The following YTHDC1 variants were observed in gnomAD, a reference collection of about 807,000 sequenced individuals.
The protein encoded by YTHDC1 is YTH N6-methyladenosine RNA binding protein C1.
In YTHDC1, 12 loss-of-function variants were observed where a neutral mutation model predicts 107.0. The ratio of observed to expected loss-of-function variants is 0.11; its 90% CI spans 0.07 to 0.18. The LOEUF is 0.18. Among genes scored for constraint, YTHDC1 ranks in the 10% least tolerant of loss-of-function variants. YTHDC1 has a pLI of 1.00. For missense variants in YTHDC1, 635 were observed against 898.8 expected, an observed-to-expected ratio of 0.71 and a Z score of 3.75; for synonymous variants, 280 against 289.5, an observed-to-expected ratio of 0.97 and a Z score of 0.33.
chr4:68,324,036 G>A (rs1291044803), intron 10 of YTHDC1, 103 bp downstream of exon 10: 7 of 962,634 alleles, frequency 7.3e-6, no homozygotes, highest in South Asian at 1.8e-5. Context: ...AAATTCTCAC[G>A]TGGTCTCTTT....
At chr4:68,346,100 T>TATATATATATATATATACAC (rs144743953) in intron 1 of YTHDC1, among the ~76,000 whole-genome samples, 5 of 134,154 alleles carry the variant, frequency 3.7e-5, no homozygotes, top group Admixed American at 1.5e-4. Flanking sequence ...TATATATATA[T>TATATATATATATATATACAC]ACACACACAC....
chr4:68,337,323 T>C lies in YTHDC1; in HGVS notation c.587A>G (p.Asn196Ser). The C allele has an allele frequency of 6.2e-7, 1 of 1,614,110 alleles. No individual in the cohort carries two copies. The change falls in exon 4 of 17, where the codon AAC becomes AGC. Residue 196 changes from asparagine (N) to serine (S), a missense_variant. Around this residue, in one of 5 missense-constraint regions of YTHDC1, gnomAD observed 294 missense variants for 312.3 expected, o/e 0.94. Transcript: ENST00000344157. Reference protein sequence around the residue: ...GSSGSSDEQGNNTENEEEGVE... With the variant: ...GSSGSSDEQGSNTENEEEGVE... ...TCCTTCCTCCTCATTCTCAGTGTTG[T>C]TCCCTTGCTCATCAGAAGAACCACT...
In YTHDC1 at chr4:68,320,138, A is replaced by G. The variant is rs1358858120; in HGVS notation, c.1669T>C (p.Phe557Leu). The change falls in exon 12 of 17, where the codon TTT becomes CTT. Residue 557 changes from phenylalanine (F) to leucine (L), a missense_variant. Transcript: ENST00000344157. ...KKPRIDYPPE[F>L]HQRPGYLKDP... ...AAATATTAACCTGGTCTCTGGTGAAACTCAGGGGGATAGTCAATCCTTGGT... is the reference window on the plus strand; with the variant it reads ...AAATATTAACCTGGTCTCTGGTGAAGCTCAGGGGGATAGTCAATCCTTGGT... 6.2e-7 allele frequency: 1 copy of G among 1,606,046 alleles called. No homozygotes were observed.
Position 68,324,178 on chromosome 4 carries a change from C to A in YTHDC1, c.1395G>T (p.Trp465Cys). ...FTKSAHLTNP[W>C]NEHKPVKIGR... ...CGATCTTTACTGGTTTATGTTCATT[C>A]CAAGGATTGGTGAGATGAGCCGACT... Residue 465 changes from tryptophan (W) to cysteine (C), a missense_variant, in exon 10 of 17, where the codon TGG becomes TGT. Around this residue, in one of 5 missense-constraint regions of YTHDC1, gnomAD observed 256 missense variants for 372.9 expected, o/e 0.69. Transcript: ENST00000344157. 1 of 1,613,946 alleles carries A rather than the reference C, an allele frequency of 6.2e-7. No homozygotes were observed. Among genetic ancestry groups the A allele is most frequent in the Non-Finnish European group, 8.5e-7 (1 of 1,179,930 alleles).
chr4:68,318,454 A>G (rs1722102212), intron 15 of YTHDC1, 65 bp downstream of exon 15: 2 of 1,429,526 alleles, frequency 1.4e-6, no homozygotes, highest in South Asian at 1.3e-5. Context: ...TATTCCGAGT[A>G]AGCACCTGAA....
intron 1 of YTHDC1, among the ~76,000 whole-genome samples, chr4:68,340,789 C>T (rs527822255): frequency 4.6e-5 from 7 of 151,898 alleles, no homozygotes; most frequent in Admixed American, 3.3e-4. Flanking sequence ...ATATCATCCC[C>T]GAACCCTGAA....
rs1215702873 is a variant in YTHDC1 at position 68,350,052 on chromosome 4, G to C, written c.-299C>G. The C allele has an allele frequency of 7.5e-6, 4 of 533,034 alleles. No individual in the cohort carries two copies. Among genetic ancestry groups the C allele is most frequent in the African/African-American group, 2.0e-5 (1 of 51,042 alleles). 33.0% of individuals were successfully genotyped at this position (533,034 alleles called of 1,614,324 possible). On this transcript the variant is annotated 5_prime_UTR_variant, in exon 1 of 17. Coordinates refer to ENST00000344157, the MANE Select transcript of YTHDC1 (RefSeq NM_001031732.4). Reference sequence around the variant, plus strand: ...GGCGACGGCGGGCGGCGCTAAAATGGAGCCTGCTTCCTGCGCGAAACAATC... The same window carrying C: ...GGCGACGGCGGGCGGCGCTAAAATGCAGCCTGCTTCCTGCGCGAAACAATC...
At chr4:68,329,678 C>T (rs868338385) in intron 9 of YTHDC1, among the ~76,000 whole-genome samples, 3 of 151,738 alleles carry the variant, frequency 2.0e-5, no homozygotes, top group African/African-American at 4.9e-5. Context: ...TAGTTACCTC[C>T]GAAATTGTTA....
chr4:68,347,364 C>T (rs1430058895), intron 1 of YTHDC1, among the ~76,000 whole-genome samples: 2 of 152,132 alleles, frequency 1.3e-5, no homozygotes, highest in Non-Finnish European at 2.9e-5. Flanking sequence ...TTAGTTAACA[C>T]CAACATTGCA....
At chr4:68,338,717 G>A (rs1340414202) in intron 1 of YTHDC1, among the ~76,000 whole-genome samples, 1 of 152,202 alleles carries the variant, frequency 6.6e-6, no homozygotes, top group Non-Finnish European at 1.5e-5. Context: ...GGGCATGGTG[G>A]CACATGCCTT....
At chr4:68,330,460 T>C in intron 7 of YTHDC1, 150 bp from the exon 8 acceptor site, 1 of 501,028 alleles carries the variant, frequency 2.0e-6, no homozygotes, top group African/African-American at 2.0e-5. Context: ...GCTGTCAGAA[T>C]AACGTAGTAA....
intron 4 of YTHDC1, among the ~76,000 whole-genome samples, chr4:68,335,123 G>T (rs1323443608): frequency 2.0e-5 from 3 of 152,058 alleles, no homozygotes; most frequent in Non-Finnish European, 2.9e-5. Flanking sequence ...CAATCAGTCT[G>T]TTGCTTTTAT....
intron 4 of YTHDC1, among the ~76,000 whole-genome samples, chr4:68,334,036 C>T (rs2109719621): frequency 6.6e-6 from 1 of 152,168 alleles, no homozygotes; most frequent in Non-Finnish European, 1.5e-5. Flanking sequence ...CTGTGTATTT[C>T]TGTAAGAGAG....
rs1305831119 is a variant in YTHDC1 at position 68,312,536 on chromosome 4, A to G, written c.*1563T>C. On this transcript the variant is annotated 3_prime_UTR_variant, in exon 17 of 17. Transcript: ENST00000344157. ...TTAAAAGTACTTTTTCCTCTCTACC[A>G]CAATGCAGATTTAAAACAAATCCTC... 6.6e-6 allele frequency: 1 copy of G among 152,190 alleles called. No homozygotes were observed. The highest frequency in any genetic ancestry group is 1.5e-5 in the Non-Finnish European group (1 of 68,020). 9.4% of individuals were successfully genotyped at this position (152,190 alleles called of 1,614,324 possible).
intron 4 of YTHDC1, among the ~76,000 whole-genome samples, 179 bp downstream of exon 4, chr4:68,336,848 T>C (rs914939962): frequency 3.3e-5 from 5 of 152,322 alleles, no homozygotes; most frequent in Non-Finnish European, 2.9e-5. Flanking sequence ...TCCTAAAATA[T>C]GTAAATCTTA....
At chr4:68,342,704 C>A (rs941775873) in intron 1 of YTHDC1, among the ~76,000 whole-genome samples, 10 of 152,128 alleles carry the variant, frequency 6.6e-5, no homozygotes, top group Non-Finnish European at 1.5e-4. Context: ...TCTTCACTGA[C>A]TTGAAAAAGT....
intron 7 of YTHDC1, among the ~76,000 whole-genome samples, chr4:68,331,555 C>T (rs903684924): frequency 2.0e-5 from 3 of 152,068 alleles, no homozygotes; most frequent in Non-Finnish European, 2.9e-5. Context: ...TGTAGCCAAA[C>T]ATAAAAAGAA....
chr4:68,337,286 A>T lies in YTHDC1; in HGVS notation c.624T>A (p.Asp208Glu), dbSNP rs781241976. The T allele has an allele frequency of 5.5e-5, 88 of 1,610,578 alleles. No individual in the cohort carries two copies. The East Asian group carries it at 1.9e-3, about 35-fold the overall frequency. ...CTTCTACTTCTTCATCTTCCTCCAC[A>T]TCTTCTTCCACTCCTTCCTCCTCAT... ...TENEEEGVEE[D>E]VEEDEEVEED... Residue 208 changes from aspartate to glutamate, a missense_variant, in exon 4 of 17, where the codon GAT becomes GAA. This residue lies in a region of YTHDC1 where 294 missense variants were observed against 312.3 expected (regional missense o/e 0.94). Transcript: ENST00000344157.
chr4:68,332,325 C>T (rs1290791610), intron 6 of YTHDC1, 128 bp from the exon 7 acceptor site: 3 of 523,220 alleles, frequency 5.7e-6, no homozygotes, highest in South Asian at 3.6e-5. Context: ...ATCACCCATT[C>T]AACCTGGAAG....
Sources: gnomAD v4.1 joint callset for allele counts (sites outside exome capture counted in the v4.1 genomes callset) on GRCh38, gnomAD v4.1.1 for gene constraint, gnomAD v4.1.1 regional missense constraint, MANE v1.5 for transcripts, NCBI Gene and HGNC (gene_info 2026-07-23, HGNC 2026-07-21) for gene names.